The following KLF12 variants were observed in gnomAD, a reference collection of about 807,000 sequenced individuals.
The protein encoded by KLF12 is Krueppel-like factor 12.
KLF12 carries 9 observed loss-of-function variants against 37.8 expected under a neutral mutation model. That is an observed-to-expected ratio of 0.24 (90% confidence interval 0.14 to 0.42). The LOEUF (loss-of-function observed/expected upper bound fraction) is 0.42, where lower values mean the gene tolerates loss of function less well. Ranked by LOEUF, KLF12 falls within the 10% of genes least tolerant of loss-of-function variation. The pLI, the probability that KLF12 is intolerant of heterozygous loss-of-function variation, is 1.00. For missense variants in KLF12, 411 were observed against 516.0 expected, an observed-to-expected ratio of 0.80 and a Z score of 1.97; for synonymous variants, 208 against 202.1, an observed-to-expected ratio of 1.03 and a Z score of -0.25.
chr13:74,011,257 A>G (rs1892543743), intron 1 of KLF12, among the ~76,000 whole-genome samples: 1 of 151,080 alleles, frequency 6.6e-6, no homozygotes, highest in Non-Finnish European at 1.5e-5. Flanking sequence ...AAAAAAAAAA[A>G]GCCATGGAAT....
intron 3 of KLF12, among the ~76,000 whole-genome samples, chr13:73,875,522 G>A (rs1487871405): frequency 6.6e-6 from 1 of 152,088 alleles, no homozygotes; most frequent in East Asian, 1.9e-4. Flanking sequence ...TACATTGTGT[G>A]ATACATTTTT....
intron 4 of KLF12, among the ~76,000 whole-genome samples, chr13:73,815,783 T>C (rs1406755535): frequency 2.0e-5 from 3 of 152,222 alleles, no homozygotes; most frequent in Non-Finnish European, 4.4e-5. Context: ...AGAGCTCTTA[T>C]AGTAAGTAAT....
chr13:74,017,818 C>T (rs749552347), intron 1 of KLF12, among the ~76,000 whole-genome samples: 5 of 151,912 alleles, frequency 3.3e-5, no homozygotes, highest in Admixed American at 6.6e-5. Context: ...GAGAAGCAGG[C>T]GCCCTGGCAT....
chr13:73,745,942 T>C (rs1293906261), intron 6 of KLF12, among the ~76,000 whole-genome samples: 2 of 152,142 alleles, frequency 1.3e-5, no homozygotes, highest in African/African-American at 4.8e-5. Context: ...ACACACCATC[T>C]GCATCGGGCA....
chr13:73,874,849 G>GT (rs1286847505), intron 3 of KLF12, among the ~76,000 whole-genome samples: 1 of 151,912 alleles, frequency 6.6e-6, no homozygotes, highest in Non-Finnish European at 1.5e-5. Flanking sequence ...TCACTAATAT[G>GT]TTTTTTGGAT....
At chr13:73,943,899 G>A in intron 3 of KLF12, 82 bp downstream of exon 3, 6 of 823,928 alleles carry the variant, frequency 7.3e-6, no homozygotes, top group Non-Finnish European at 1.0e-5. Flanking sequence ...CCGTAGAAGT[G>A]CTCTGCAAAC....
At chr13:74,210,892 C>T in the KLF12 span, among the ~76,000 whole-genome samples, 1 of 152,190 alleles carries the variant, frequency 6.6e-6, no homozygotes, top group Non-Finnish European at 1.5e-5. Flanking sequence ...CATTCGTAGC[C>T]TATTTCAATC....
chr13:73,737,869 A>C (rs892496528), intron 6 of KLF12, among the ~76,000 whole-genome samples: 1 of 151,986 alleles, frequency 6.6e-6, no homozygotes, highest in African/African-American at 2.4e-5. Flanking sequence ...TTTCTGAAGA[A>C]GACAAGATTG....
At chr13:74,149,637 C>CT in the KLF12 span, among the ~76,000 whole-genome samples, 1 of 152,150 alleles carries the variant, frequency 6.6e-6, no homozygotes, top group African/African-American at 2.4e-5. Context: ...TCTCAGGGTA[C>CT]TATCCAGAGG....
intron 1 of KLF12, among the ~76,000 whole-genome samples, chr13:74,093,610 G>T (rs1875802676): frequency 6.6e-6 from 1 of 151,896 alleles, no homozygotes; most frequent in South Asian, 2.1e-4. Context: ...CAGACTAAAA[G>T]AATTTTTAAG....
intron 5 of KLF12, among the ~76,000 whole-genome samples, chr13:73,785,363 C>T (rs1385158239): frequency 6.6e-6 from 1 of 152,098 alleles, no homozygotes; most frequent in East Asian, 1.9e-4. Flanking sequence ...ATCCGCTCAC[C>T]TCCGTCTCCC....
intron 4 of KLF12, among the ~76,000 whole-genome samples, chr13:73,822,477 T>A (rs939475712): frequency 1.3e-5 from 2 of 152,154 alleles, no homozygotes; most frequent in African/African-American, 4.8e-5. Context: ...TGCCTGTAAT[T>A]CCACCACTTT....
intron 3 of KLF12, among the ~76,000 whole-genome samples, chr13:73,877,497 A>G (rs1269051656): frequency 6.6e-6 from 1 of 152,146 alleles, no homozygotes; most frequent in Non-Finnish European, 1.5e-5. Context: ...AAGGTATTTC[A>G]CAGAATTATA....
intron 6 of KLF12, among the ~76,000 whole-genome samples, chr13:73,756,023 T>C (rs1017801130): frequency 1.3e-5 from 2 of 152,210 alleles, no homozygotes; most frequent in Non-Finnish European, 2.9e-5. Context: ...TTTGGGCTGG[T>C]TGCATATTTT....
At chr13:74,191,996 C>G in the KLF12 span, among the ~76,000 whole-genome samples, 6 of 151,790 alleles carry the variant, frequency 4.0e-5, no homozygotes, top group Non-Finnish European at 7.4e-5. Context: ...CTATGTTGAC[C>G]AGGTATCAGT....
chr13:74,155,324 T>C, the KLF12 span, among the ~76,000 whole-genome samples: 1 of 152,134 alleles, frequency 6.6e-6, no homozygotes, highest in Admixed American at 6.6e-5. Flanking sequence ...CAGTTATATA[T>C]AGCTCCTATT....
At chr13:73,916,208 TACACACAC>T (rs67011700) in intron 3 of KLF12, among the ~76,000 whole-genome samples, 51 of 109,968 alleles carry the variant, frequency 4.6e-4, no homozygotes, top group Middle Eastern at 4.9e-3. Context: ...AGCTAATACT[TACACACAC>T]ACACACACAC....
At chr13:73,783,207 A>G (rs1371712773) in intron 5 of KLF12, among the ~76,000 whole-genome samples, 1 of 151,824 alleles carries the variant, frequency 6.6e-6, no homozygotes, top group East Asian at 1.9e-4. Context: ...CATTATGTTC[A>G]GTGAAATAAG....
In KLF12 at chr13:73,927,267, G is replaced by T. The variant is rs149648109; in HGVS notation, c.123+16714C>A. 5.3e-3 allele frequency among the ~76,000 whole-genome samples: 803 copies of T among 152,262 alleles called. 3 individuals carry two copies. Among genetic ancestry groups the T allele is most frequent in the African/African-American group, 0.017 (698 of 41,558 alleles). ...GGAGAGCCCAGAGGCTTCTCCCCTT[G>T]ATCACTCCTCTCCTCCCCAAATCAA... On this transcript the variant is annotated intron_variant, in intron 3 of 7. Transcript: ENST00000377669.
Sources: allele counts gnomAD v4.1 joint callset (sites outside exome capture counted in the v4.1 genomes callset), GRCh38; gene constraint gnomAD v4.1.1; transcripts MANE v1.5; gene names NCBI Gene and HGNC (gene_info 2026-07-23, HGNC 2026-07-21).